The following TAF4B variants were observed in gnomAD, a reference collection of about 807,000 sequenced individuals.
TAF4B encodes TATA-box binding protein associated factor 4b, also known as transcription initiation factor TFIID subunit 4B.
In TAF4B, 38 loss-of-function variants were observed where a neutral mutation model predicts 86.4. The ratio of observed to expected loss-of-function variants is 0.44; its 90% confidence interval spans 0.34 to 0.58. The LOEUF (loss-of-function observed/expected upper bound fraction) is 0.58, where lower values mean the gene tolerates loss of function less well. Among genes scored for constraint, TAF4B ranks in the 20% least tolerant of loss-of-function variants. The pLI is 0.02. For missense variants in TAF4B, 988 were observed against 1,027.6 expected (o/e 0.96, Z 0.53); for synonymous variants, 388 against 391.2 (o/e 0.99, Z 0.10).
intron 11 of TAF4B, among the ~76,000 whole-genome samples, chr18:26,324,998 C>T (rs1189104541): frequency 6.6e-6 from 1 of 152,170 alleles, no homozygotes; most frequent in Non-Finnish European, 1.5e-5. Context: ...AAGTGAGTTA[C>T]TCTTTTTAAA....
chr18:26,287,618 C>T (rs890396052), intron 7 of TAF4B, among the ~76,000 whole-genome samples: 1 of 152,218 alleles, frequency 6.6e-6, no homozygotes, highest in Non-Finnish European at 1.5e-5. Flanking sequence ...AAGTTCTTCC[C>T]TATCTTCTAC....
At chr18:26,229,960 A>AT (rs2055639317) in intron 1 of TAF4B, among the ~76,000 whole-genome samples, 1 of 150,136 alleles carries the variant, frequency 6.7e-6, no homozygotes, top group African/African-American at 2.5e-5. Flanking sequence ...TGGTTTAAAA[A>AT]AAAAATATAT....
At chr18:26,293,625 T>G in intron 9 of TAF4B, 94 bp downstream of exon 9, 1 of 691,976 alleles carries the variant, frequency 1.4e-6, no homozygotes, top group Non-Finnish European at 2.3e-6. Context: ...ATAGATATAC[T>G]GATGCCTTTT....
At chr18:26,316,277 A>T (rs139441578) in intron 10 of TAF4B, among the ~76,000 whole-genome samples, 441 of 152,300 alleles carry the variant, frequency 2.9e-3, no homozygotes, top group Non-Finnish European at 4.2e-3. Context: ...ATATTTAAGG[A>T]CTACAAAGTT....
At chr18:26,332,920 AC>A (rs2057062704) in intron 12 of TAF4B, among the ~76,000 whole-genome samples, 1 of 151,474 alleles carries the variant, frequency 6.6e-6, no homozygotes, top group Non-Finnish European at 1.5e-5. Context: ...TTTCTCTTTC[AC>A]CTTTTTTCTA....
chr18:26,231,034 C>CTTTTTTT (rs536863843), intron 1 of TAF4B, among the ~76,000 whole-genome samples: 1,604 of 65,976 alleles, frequency 0.024, 75 homozygotes, highest in Non-Finnish European at 0.034. Flanking sequence ...TGTTGTTTTG[C>CTTTTTTT]TTTTTTTTTT....
intron 1 of TAF4B, among the ~76,000 whole-genome samples, chr18:26,254,311 T>C (rs1228886828): frequency 1.3e-5 from 2 of 152,252 alleles, no homozygotes; most frequent in Admixed American, 6.5e-5. Context: ...TTATTTTTTT[T>C]CCAAAGAACA....
At chr18:26,243,549 G>C (rs2055875583) in intron 1 of TAF4B, among the ~76,000 whole-genome samples, 1 of 151,962 alleles carries the variant, frequency 6.6e-6, no homozygotes, top group Non-Finnish European at 1.5e-5. Flanking sequence ...TCAGAGAAGT[G>C]TGTTATTACT....
chr18:26,238,290 A>G (rs1443939488), intron 1 of TAF4B, among the ~76,000 whole-genome samples: 3 of 152,118 alleles, frequency 2.0e-5, no homozygotes, highest in African/African-American at 7.2e-5. Flanking sequence ...GGAGGGCCAT[A>G]CCCTGAGGAA....
At chr18:26,252,420 T>C (rs1317333341) in intron 1 of TAF4B, among the ~76,000 whole-genome samples, 1 of 152,202 alleles carries the variant, frequency 6.6e-6, no homozygotes, top group Non-Finnish European at 1.5e-5. Flanking sequence ...TCATTAGGAT[T>C]TTCTATATAT....
At chr18:26,382,095 C>T (rs958429966) in intron 14 of TAF4B, among the ~76,000 whole-genome samples, 10 of 152,242 alleles carry the variant, frequency 6.6e-5, no homozygotes, top group Admixed American at 5.9e-4. Flanking sequence ...AGTTTTGAGG[C>T]ACAGCAACCC....
chr18:26,388,030 T>C (rs1281019595), intron 14 of TAF4B, among the ~76,000 whole-genome samples: 2 of 152,174 alleles, frequency 1.3e-5, no homozygotes, highest in Non-Finnish European at 2.9e-5. Flanking sequence ...TAAAATTTAA[T>C]TGTTATAAAA....
chr18:26,337,463 G>A (rs1315164046), intron 13 of TAF4B, among the ~76,000 whole-genome samples: 11 of 130,466 alleles, frequency 8.4e-5, no homozygotes, highest in South Asian at 2.4e-4. Context: ...TCACTCTGTC[G>A]CCCAGGCTGG....
intron 5 of TAF4B, among the ~76,000 whole-genome samples, chr18:26,277,873 C>A (rs1055389047): frequency 2.0e-5 from 3 of 152,112 alleles, no homozygotes; most frequent in African/African-American, 7.2e-5. Flanking sequence ...ATTCACCAAC[C>A]TTATTAGAAA....
chr18:26,369,232 G>A (rs936248528), intron 14 of TAF4B, among the ~76,000 whole-genome samples: 3 of 152,086 alleles, frequency 2.0e-5, no homozygotes, highest in Admixed American at 2.0e-4. Context: ...AAAAAAAAGG[G>A]AAAAGAAAGG....
chr18:26,353,446 C>G (rs61011746), intron 13 of TAF4B, among the ~76,000 whole-genome samples: 2,914 of 152,232 alleles, frequency 0.019, 81 homozygotes, highest in African/African-American at 0.067. Context: ...AAGAGACTTC[C>G]TTGGCTGGGC....
At chr18:26,343,583 T>C (rs775175246) in intron 13 of TAF4B, among the ~76,000 whole-genome samples, 1 of 152,208 alleles carries the variant, frequency 6.6e-6, no homozygotes, top group African/African-American at 2.4e-5. Context: ...AACAAAGGTA[T>C]TAACATTCTC....
At chr18:26,369,703 A>C (rs2057394313) in intron 14 of TAF4B, among the ~76,000 whole-genome samples, 1 of 152,200 alleles carries the variant, frequency 6.6e-6, no homozygotes. Context: ...CGTGGGCCAG[A>C]CCTAGCACCA....
At chr18:26,309,245 ATTTTTTTTTTTTTTT>A (rs59457633) in intron 9 of TAF4B, among the ~76,000 whole-genome samples, 76 of 84,584 alleles carry the variant, frequency 9.0e-4, no homozygotes, top group South Asian at 1.3e-3. Flanking sequence ...ACCTGACAGT[ATTTTTTTTTTTTTTT>A]TTTTTTTTTT....
Sources: gnomAD v4.1 joint callset for allele counts (sites outside exome capture counted in the v4.1 genomes callset) on GRCh38, gnomAD v4.1.1 for gene constraint, MANE v1.5 for transcripts, NCBI Gene and HGNC (gene_info 2026-07-23, HGNC 2026-07-21) for gene names.